CKAP5: variants seen among roughly 807,000 people sequenced by gnomAD.
The protein encoded by CKAP5 is cytoskeleton-associated protein 5.
CKAP5 carries 27 observed loss-of-function variants against 232.8 expected under a neutral mutation model. That is an observed-to-expected ratio of 0.12 (90% CI 0.09 to 0.16). The LOEUF (loss-of-function observed/expected upper bound fraction) is 0.16. CKAP5 is among the 10% of genes least tolerant of loss of function. CKAP5 has a pLI of 1.00. For missense variants in CKAP5, 1,838 were observed against 2,424.7 expected, an observed-to-expected ratio of 0.76 and a Z score of 5.08; for synonymous variants, 785 against 841.1, an observed-to-expected ratio of 0.93 and a Z score of 1.16.
At chr11:46,746,622 TA>T (rs1299275337) in intron 42 of CKAP5, among the ~76,000 whole-genome samples, 1 of 152,284 alleles carries the variant, frequency 6.6e-6, no homozygotes, top group South Asian at 2.1e-4. Flanking sequence ...GAATGTTGTA[TA>T]AAAGATAAAT....
intron 13 of CKAP5, among the ~76,000 whole-genome samples, chr11:46,792,523 A>G (rs1938758770): frequency 6.6e-6 from 1 of 151,844 alleles, no homozygotes; most frequent in South Asian, 2.1e-4. Flanking sequence ...ACCGCACTCC[A>G]GCTTGGGGGA....
chr11:46,807,144 T>C (rs1364302462), intron 8 of CKAP5, among the ~76,000 whole-genome samples: 1 of 152,222 alleles, frequency 6.6e-6, no homozygotes, highest in East Asian at 1.9e-4. Context: ...ATCAACAACA[T>C]ATATTAAATA....
rs1395344393 is a variant in CKAP5, at chr11:46,818,361, T to C, written c.200A>G (p.Lys67Arg). Reference protein sequence around the residue: ...VTDSNAVVQLKGLEAALVYVE... With the variant: ...VTDSNAVVQLRGLEAALVYVE... ...ATAAACAAGTGCAGCTTCTAATCCTTTCAATTGAACCACTGCATTGGAATC... is the reference window on the plus strand; with the variant it reads ...ATAAACAAGTGCAGCTTCTAATCCTCTCAATTGAACCACTGCATTGGAATC... Residue 67 changes from lysine (K) to arginine (R), a missense_variant, in exon 3 of 44, where the codon AAA becomes AGA. Coordinates refer to ENST00000529230, the MANE Select transcript of CKAP5 (RefSeq NM_001008938.4). 1 of 1,611,410 alleles carries C rather than the reference T, an allele frequency of 6.2e-7. No individual in the cohort carries two copies. The highest frequency in any genetic ancestry group is 1.7e-5 in the Admixed American group (1 of 59,494).
At chr11:46,811,959 A>T (rs1191006543) in intron 4 of CKAP5, among the ~76,000 whole-genome samples, 1 of 152,196 alleles carries the variant, frequency 6.6e-6, no homozygotes, top group Non-Finnish European at 1.5e-5. Context: ...TGTGGCTATC[A>T]CACTATAACT....
chr11:46,753,246 G>A lies in CKAP5; in HGVS notation c.5057+64C>T. 1.5e-6 allele frequency: 2 copies of A among 1,324,698 alleles called. 1 individual carries two copies. Among genetic ancestry groups the A allele is most frequent in the South Asian group, 2.9e-5 (2 of 69,822 alleles). 82.1% of individuals were successfully genotyped at this position (1,324,698 alleles called of 1,614,324 possible). A position where few individuals can be genotyped will look rare whatever the true frequency, so the allele number is the denominator to read the frequency against. ...TAGGAAGTTGACTTACGGACATTAT[G>A]GTTTCTAAGTGTAAACAAAAGCGAG... On this transcript the variant is annotated intron_variant, in intron 37 of 43. Coordinates refer to ENST00000529230, the MANE Select transcript of CKAP5 (RefSeq NM_001008938.4).
chr11:46,793,097 A>T (rs1172408031), intron 13 of CKAP5, among the ~76,000 whole-genome samples: 1 of 152,218 alleles, frequency 6.6e-6, no homozygotes, highest in Non-Finnish European at 1.5e-5. Flanking sequence ...AGCTTACAAT[A>T]TGGTGTGGGG....
intron 1 of CKAP5, among the ~76,000 whole-genome samples, chr11:46,843,298 G>A (rs1940104695): frequency 6.6e-6 from 1 of 152,096 alleles, no homozygotes; most frequent in Non-Finnish European, 1.5e-5. Context: ...CACCTGCTGG[G>A]GACCCCAAGC....
intron 38 of CKAP5, among the ~76,000 whole-genome samples, chr11:46,751,836 G>C (rs1259010600): frequency 6.6e-6 from 1 of 152,102 alleles, no homozygotes; most frequent in Non-Finnish European, 1.5e-5. Flanking sequence ...CTTCGTTCCT[G>C]AGAGTAAAGT....
At chr11:46,798,404 G>A (rs1349358763) in intron 9 of CKAP5, among the ~76,000 whole-genome samples, 1 of 151,854 alleles carries the variant, frequency 6.6e-6, no homozygotes, top group Non-Finnish European at 1.5e-5. Context: ...GTGAGATCTT[G>A]TCTCTACTAA....
intron 42 of CKAP5, among the ~76,000 whole-genome samples, 166 bp from the exon 43 acceptor site, chr11:46,744,743 A>G (rs1003324376): frequency 6.6e-6 from 1 of 152,210 alleles, no homozygotes; most frequent in Non-Finnish European, 1.5e-5. Context: ...GCTCTGAAAT[A>G]TACAATATAA....
At position 46,761,190 on chromosome 11, in the gene CKAP5, G is replaced by A. The variant is rs143564654; in HGVS notation, c.4222-406C>T. Among the ~76,000 whole-genome samples, 416 of 150,366 alleles carry A rather than the reference G, an allele frequency of 2.8e-3. 2 individuals carry two copies. The highest frequency in any genetic ancestry group is 9.5e-3 in the African/African-American group (390 of 40,910). On this transcript the variant is annotated intron_variant, in intron 32 of 43. Coordinates refer to ENST00000529230, the MANE Select transcript of CKAP5 (RefSeq NM_001008938.4). ...CTTGAGCCTGGGAGGTCGAGGCTGCGGTGAACCATGATCACACCACTGCAC... is the reference window on the plus strand; with the variant it reads ...CTTGAGCCTGGGAGGTCGAGGCTGCAGTGAACCATGATCACACCACTGCAC...
rs148558115 is a variant in CKAP5 at position 46,765,365 on chromosome 11, G to A, written c.3412-109C>T. 361 of 945,262 alleles carry A rather than the reference G, an allele frequency of 3.8e-4. 2 individuals are homozygous for A. In the African/African-American group the frequency reaches 3.8e-3, roughly 10 times the overall value. The allele number at this position is 945,262 out of a possible 1,614,324, so 58.6% of individuals were successfully genotyped here. The stretch of plus-strand genomic sequence containing the variant: ...GTAGAAAACAGAGATATCTTTCTAC[G>A]TGATATTTCACATGAAAAAAACATG... On this transcript the variant is annotated intron_variant, in intron 27 of 43. Coordinates refer to ENST00000529230, the MANE Select transcript of CKAP5 (RefSeq NM_001008938.4).
chr11:46,776,956 A>G (rs2065296575), intron 23 of CKAP5, among the ~76,000 whole-genome samples: 1 of 152,214 alleles, frequency 6.6e-6, no homozygotes, highest in Non-Finnish European at 1.5e-5. Flanking sequence ...TTCTAGAACT[A>G]TGAAACTACA....
Position 46,784,541 on chromosome 11 carries a change from C to G in CKAP5, c.2101G>C (p.Glu701Gln). The G allele has an allele frequency of 6.2e-7, 1 of 1,614,130 alleles. No homozygotes were observed. The highest frequency in any genetic ancestry group is 8.5e-7 in the Non-Finnish European group (1 of 1,180,016). The part of the protein sequence containing the change: ...GDVKCGNNAK[E>Q]AMTAIAEACM... ...GCTTCGGCTATTGCTGTCATAGCTT[C>G]TTTTGCATTGTTCCCACATTTCACA... Residue 701 changes from glutamate to glutamine, a missense_variant, in exon 17 of 44, where the codon GAA becomes CAA. Around this residue, in one of 6 missense-constraint regions of CKAP5, gnomAD observed 767 missense variants for 954.6 expected, o/e 0.80. Coordinates refer to ENST00000529230, the MANE Select transcript of CKAP5 (RefSeq NM_001008938.4).
chr11:46,776,632 C>T lies in CKAP5; in HGVS notation c.2863-249G>A, dbSNP rs534831481. 3.3e-5 allele frequency among the ~76,000 whole-genome samples: 5 copies of T among 152,210 alleles called. No individual in the cohort carries two copies. The South Asian group carries it at 1.0e-3, about 32-fold the overall frequency. On this transcript the variant is annotated intron_variant, in intron 23 of 43. Coordinates refer to ENST00000529230, the MANE Select transcript of CKAP5 (RefSeq NM_001008938.4). ...TTAATCAGGCAAAACAGTGAGTGAT[C>T]TGGGCATAAAATATCATGTAAGAAG... is the stretch of plus-strand genomic sequence containing the variant.
intron 26 of CKAP5, among the ~76,000 whole-genome samples, chr11:46,769,285 G>A (rs2065228776): frequency 6.6e-6 from 1 of 152,120 alleles, no homozygotes; most frequent in African/African-American, 2.4e-5. Flanking sequence ...TTAATAAAGT[G>A]GATTAAGCTA....
intron 24 of CKAP5, 46 bp from the exon 25 acceptor site, chr11:46,771,028 G>T: frequency 6.6e-7 from 1 of 1,520,226 alleles, no homozygotes; most frequent in South Asian, 1.2e-5. Context: ...AATGAAGACT[G>T]TTATCATTTA....
intron 1 of CKAP5, among the ~76,000 whole-genome samples, chr11:46,840,687 C>T (rs949733461): frequency 6.6e-6 from 1 of 152,200 alleles, no homozygotes; most frequent in Non-Finnish European, 1.5e-5. Context: ...AGCTCCATGC[C>T]TCTTCCCCTA....
rs187068651 is a variant in CKAP5 at position 46,813,075 on chromosome 11, T to A, written c.459-1897A>T. Among the ~76,000 whole-genome samples the A allele has an allele frequency of 2.8e-3, 420 of 152,236 alleles. 2 individuals are homozygous for A. Among genetic ancestry groups the A allele is most frequent in the African/African-American group, 9.6e-3 (398 of 41,534 alleles). ...CAAGTAATCTTCCTGCCTCCTGAGT[T>A]GGTGGGACTACAGGCACAATAAAAA... On this transcript the variant is annotated intron_variant, in intron 4 of 43. Coordinates refer to ENST00000529230, the MANE Select transcript of CKAP5 (RefSeq NM_001008938.4).
Sources: allele counts gnomAD v4.1 joint callset (sites outside exome capture counted in the v4.1 genomes callset), GRCh38; gene constraint gnomAD v4.1.1; regional missense constraint gnomAD v4.1.1; transcripts MANE v1.5; gene names NCBI Gene and HGNC (gene_info 2026-07-23, HGNC 2026-07-21).